Variants in CBFA2T2 observed in about 807,000 individuals in gnomAD.
CBFA2T2 encodes CBFA2/RUNX1 partner transcriptional co-repressor 2.
In CBFA2T2, 11 loss-of-function variants were observed where a neutral mutation model predicts 62.2. The observed-to-expected ratio is 0.18, with a 90% CI of 0.11 to 0.29. The LOEUF is 0.29. Among genes scored for constraint, CBFA2T2 ranks in the 10% least tolerant of loss-of-function variants. The pLI is 1.00. For missense variants in CBFA2T2, 592 were observed against 774.1 expected (o/e 0.76, Z 2.79); for synonymous variants, 295 against 287.5 (o/e 1.03, Z -0.27).
In CBFA2T2 at chr20:33,629,590, T is replaced by C. The variant is rs1320778898; in HGVS notation, c.1033-129T>C. On this transcript the variant is annotated intron_variant, in intron 7 of 10. Transcript: ENST00000342704. ...AACAGACAGCAATAAAGGTTTTAAA[T>C]GTAAACTTGATATTCCTAAATCTGT... 8 of 855,764 alleles carry C rather than the reference T, an allele frequency of 9.3e-6. No individual in the cohort carries two copies. The Admixed American group carries it at 1.3e-4, about 13-fold the overall frequency. The allele number at this position is 855,764 out of a possible 1,614,324, so 53.0% of individuals were successfully genotyped here. A position where few individuals can be genotyped will look rare whatever the true frequency, so the allele number is the denominator to read the frequency against.
rs540405271 is a variant in CBFA2T2, at chr20:33,640,282, C to T, written c.1298-59C>T. 6.1e-4 allele frequency: 901 copies of T among 1,481,860 alleles called. 3 individuals carry two copies. The Middle Eastern group carries it at 9.8e-3, about 16-fold the overall frequency. 91.8% of individuals were successfully genotyped at this position (1,481,860 alleles called of 1,614,324 possible). On this transcript the variant is annotated intron_variant, in intron 9 of 10. Coordinates refer to ENST00000342704, the MANE Select transcript of CBFA2T2 (RefSeq NM_001032999.3). The stretch of plus-strand genomic sequence containing the variant: ...CAGCTCTCTCCTTACTTAGAATTGC[C>T]GTGGGATGGGAGGGAAAAGATTTCT...
intron 1 of CBFA2T2, among the ~76,000 whole-genome samples, chr20:33,591,282 G>A (rs1029586033): frequency 1.4e-4 from 21 of 151,362 alleles, no homozygotes; most frequent in African/African-American, 4.9e-4. Context: ...CCGGAAGTTC[G>A]AGACCAGCCT....
At chr20:33,595,343 C>G (rs1024414065) in intron 1 of CBFA2T2, among the ~76,000 whole-genome samples, 7 of 151,822 alleles carry the variant, frequency 4.6e-5, no homozygotes, top group South Asian at 2.1e-4. Context: ...TCCTGAGTAG[C>G]TGGGACTACA....
chr20:33,559,193 T>TTTTTTTTTTTTTTTTTTTTTTC (rs1555835221), intron 1 of CBFA2T2, among the ~76,000 whole-genome samples: 3 of 143,926 alleles, frequency 2.1e-5, no homozygotes, highest in African/African-American at 8.3e-5. Context: ...TTTTTTTTTT[T>TTTTTTTTTTTTTTTTTTTTTTC]CTGAGATGGA....
intron 4 of CBFA2T2, among the ~76,000 whole-genome samples, chr20:33,620,466 A>G (rs2015907203): frequency 6.6e-6 from 1 of 152,040 alleles, no homozygotes; most frequent in African/African-American, 2.4e-5. Flanking sequence ...ACATTGTGCC[A>G]CTGCACCCCA....
chr20:33,563,010 T>C (rs1415122644), intron 1 of CBFA2T2, among the ~76,000 whole-genome samples: 1 of 152,212 alleles, frequency 6.6e-6, no homozygotes, highest in Non-Finnish European at 1.5e-5. Context: ...GAGGGAATTT[T>C]TTTCCCCTTT....
At chr20:33,589,360 A>G (rs1282916490) in intron 1 of CBFA2T2, among the ~76,000 whole-genome samples, 3 of 152,214 alleles carry the variant, frequency 2.0e-5, no homozygotes, top group Admixed American at 6.5e-5. Flanking sequence ...AAAGCACTCC[A>G]TTTGTATATG....
chr20:33,531,107 C>T (rs1160618864), intron 1 of CBFA2T2, among the ~76,000 whole-genome samples: 1 of 152,030 alleles, frequency 6.6e-6, no homozygotes, highest in Non-Finnish European at 1.5e-5. Flanking sequence ...AACAAACAAA[C>T]AAGGCTTCTA....
chr20:33,612,409 G>C (rs1402350083), intron 3 of CBFA2T2, among the ~76,000 whole-genome samples: 1 of 152,188 alleles, frequency 6.6e-6, no homozygotes, highest in Non-Finnish European at 1.5e-5. Flanking sequence ...GCAGCTCTCC[G>C]AGTGTAAATC....
chr20:33,513,275 C>G lies in CBFA2T2; in HGVS notation c.34+22974C>G, dbSNP rs377545562. On this transcript the variant is annotated intron_variant, in intron 1 of 10. Transcript: ENST00000342704. ...AATGTTTAACCTTTTTGAAGAGCCT[C>G]TGCTTTGTGAGATAGGTAGAGGGCA... 1.2e-4 allele frequency among the ~76,000 whole-genome samples: 19 copies of G among 152,024 alleles called. No individual in the cohort carries two copies. The South Asian group carries it at 3.3e-3, about 27-fold the overall frequency.
chr20:33,629,650 G>C, intron 7 of CBFA2T2, 69 bp from the exon 8 acceptor site: 8 of 1,387,716 alleles, frequency 5.8e-6, no homozygotes, highest in Non-Finnish European at 7.9e-6. Context: ...TATTGCGTTG[G>C]CCTGATTTAC....
intron 1 of CBFA2T2, among the ~76,000 whole-genome samples, chr20:33,497,274 CAA>C (rs34528525): frequency 3.4e-5 from 2 of 58,080 alleles, no homozygotes; most frequent in South Asian, 9.2e-4. Context: ...ACCCTGTCTC[CAA>C]AAAAAAAAAA....
chr20:33,560,433 ACAATAATACCTAC>A (rs2013042384), intron 1 of CBFA2T2, among the ~76,000 whole-genome samples: 1 of 152,222 alleles, frequency 6.6e-6, no homozygotes, highest in African/African-American at 2.4e-5. Flanking sequence ...TAACTTTGAG[ACAATAATACCTAC>A]CTTATAGGCC....
rs969721742 is a variant in CBFA2T2 at position 33,580,915 on chromosome 20, A to G, written c.35-26041A>G. Among the ~76,000 whole-genome samples, 6 of 152,186 alleles carry G rather than the reference A, an allele frequency of 3.9e-5. No homozygotes were observed. In the East Asian group the frequency reaches 1.2e-3, roughly 29 times the overall value. Reference sequence around the variant, plus strand: ...TTTGGGTAGGATGTATGTGCAGTATACAGATAACATTGCTGTTTGTTTTTG... The same window carrying G: ...TTTGGGTAGGATGTATGTGCAGTATGCAGATAACATTGCTGTTTGTTTTTG... On this transcript the variant is annotated intron_variant, in intron 1 of 10. Transcript: ENST00000342704.
chr20:33,567,736 C>T (rs2013392861), intron 1 of CBFA2T2, among the ~76,000 whole-genome samples: 2 of 152,036 alleles, frequency 1.3e-5, no homozygotes, highest in African/African-American at 2.4e-5. Flanking sequence ...GCATGTGCCA[C>T]CACGCCCAGT....
chr20:33,496,920 C>T (rs540645024), intron 1 of CBFA2T2, among the ~76,000 whole-genome samples: 4 of 152,266 alleles, frequency 2.6e-5, no homozygotes, highest in African/African-American at 9.6e-5. Flanking sequence ...CTACTCCCGT[C>T]TCATGGGTTG....
chr20:33,530,109 G>A (rs1418914339), intron 1 of CBFA2T2, among the ~76,000 whole-genome samples: 1 of 151,668 alleles, frequency 6.6e-6, no homozygotes, highest in South Asian at 2.1e-4. Context: ...TTTTTTAATA[G>A]AGATCAGGTC....
intron 1 of CBFA2T2, among the ~76,000 whole-genome samples, chr20:33,533,264 G>A (rs999783187): frequency 6.6e-6 from 1 of 152,108 alleles, no homozygotes; most frequent in African/African-American, 2.4e-5. Flanking sequence ...GTATCCTTGT[G>A]CCCATTGGTA....
chr20:33,585,274 A>G (rs78647281), intron 1 of CBFA2T2, among the ~76,000 whole-genome samples: 3,386 of 152,268 alleles, frequency 0.022, 118 homozygotes, highest in African/African-American at 0.077. Context: ...TTTATAAGCA[A>G]TGTTTCAAAA....
Sources: gnomAD v4.1 joint callset for allele counts (sites outside exome capture counted in the v4.1 genomes callset) on GRCh38, gnomAD v4.1.1 for gene constraint, MANE v1.5 for transcripts, NCBI Gene and HGNC (gene_info 2026-07-23, HGNC 2026-07-21) for gene names.